RANBP2: variants seen among roughly 807,000 people sequenced by gnomAD.
RANBP2 encodes the protein E3 SUMO-protein ligase RanBP2.
A neutral mutation model predicts 303.6 loss-of-function variants in RANBP2; 57 were observed. That is an observed-to-expected ratio of 0.19 (90% confidence interval 0.15 to 0.23). The LOEUF is 0.23. RANBP2 is among the 10% of genes least tolerant of loss of function. The probability of loss-of-function intolerance (pLI) is 1.00; values close to 1 mark genes in which losing one functional copy is unlikely to be tolerated. For missense variants in RANBP2, 3,138 were observed against 3,780.8 expected, an observed-to-expected ratio of 0.83 and a Z score of 4.46; for synonymous variants, 1,167 against 1,301.5, an observed-to-expected ratio of 0.90 and a Z score of 2.23.
the RANBP2 span, among the ~76,000 whole-genome samples, chr2:109,320,123 T>C: frequency 6.6e-6 from 1 of 152,206 alleles, no homozygotes; most frequent in African/African-American, 2.4e-5. Context: ...CTAGTGCTCC[T>C]GTAAAGCCTG....
the RANBP2 span, among the ~76,000 whole-genome samples, chr2:108,942,262 T>A: frequency 6.6e-6 from 1 of 152,190 alleles, no homozygotes; most frequent in Non-Finnish European, 1.5e-5. Context: ...AGCGACTTGC[T>A]AAGGTCACAC....
At chr2:109,305,724 C>A in the RANBP2 span, among the ~76,000 whole-genome samples, 112 of 152,310 alleles carry the variant, frequency 7.4e-4, no homozygotes, top group Non-Finnish European at 1.3e-3. Flanking sequence ...GGCTACAATG[C>A]GGGAGGACGC....
chr2:109,478,162 C>T, the RANBP2 span, among the ~76,000 whole-genome samples: 1 of 152,288 alleles, frequency 6.6e-6, no homozygotes, highest in Non-Finnish European at 1.5e-5. Context: ...TTGGGGCAGG[C>T]GATTCTAGTG....
At chr2:109,109,836 T>G in the RANBP2 span, among the ~76,000 whole-genome samples, 1 of 152,188 alleles carries the variant, frequency 6.6e-6, no homozygotes, top group Non-Finnish European at 1.5e-5. Context: ...TCTCACACTT[T>G]TCTATGGCCC....
At chr2:109,120,525 G>T in the RANBP2 span, among the ~76,000 whole-genome samples, 1 of 152,118 alleles carries the variant, frequency 6.6e-6, no homozygotes, top group Admixed American at 6.5e-5. Context: ...AGACCAACCT[G>T]CACTTCTTCT....
chr2:109,681,461 G>T, the RANBP2 span, among the ~76,000 whole-genome samples: 1 of 152,220 alleles, frequency 6.6e-6, no homozygotes, highest in East Asian at 1.9e-4. Context: ...GATATCTTTG[G>T]TTGGAGGTGG....
chr2:108,892,800 G>T, the RANBP2 span, among the ~76,000 whole-genome samples: 1 of 152,166 alleles, frequency 6.6e-6, no homozygotes. Flanking sequence ...GGCTAGGCAG[G>T]CTGCTTGTCT....
chr2:108,862,201 A>C, the RANBP2 span, among the ~76,000 whole-genome samples: 1 of 152,056 alleles, frequency 6.6e-6, no homozygotes, highest in Non-Finnish European at 1.5e-5. Flanking sequence ...CACTTAAAAA[A>C]AAAACAAAAC....
chr2:109,008,890 T>TAA, the RANBP2 span, among the ~76,000 whole-genome samples: 2 of 131,488 alleles, frequency 1.5e-5, no homozygotes, highest in African/African-American at 5.7e-5. Context: ...CAGAGCAAGA[T>TAA]TCCATCTCAA....
the RANBP2 span, among the ~76,000 whole-genome samples, chr2:109,249,742 C>T: frequency 5.9e-5 from 9 of 151,718 alleles, no homozygotes; most frequent in East Asian, 1.9e-4. Flanking sequence ...CCGCAAGCTC[C>T]GCCTTCCAGG....
the RANBP2 span, chr2:109,399,064 G>A: frequency 3.5e-6 from 4 of 1,150,688 alleles, no homozygotes; most frequent in Admixed American, 2.4e-5. Flanking sequence ...TGCCTTTTGG[G>A]GTTGAGTGGG....
chr2:109,432,461 G>T, the RANBP2 span: 2 of 1,608,438 alleles, frequency 1.2e-6, no homozygotes, highest in Non-Finnish European at 1.7e-6. Context: ...CTATCCCCAG[G>T]AGGGCTCCCA....
At chr2:108,762,580 C>T (rs2699559) in intron 19 of RANBP2, among the ~76,000 whole-genome samples, 3 of 110,906 alleles carry the variant, frequency 2.7e-5, no homozygotes, top group East Asian at 2.4e-4. Flanking sequence ...GCTTTGAGGA[C>T]AGAGTGTTGG....
At chr2:109,312,114 A>G in the RANBP2 span, among the ~76,000 whole-genome samples, 3 of 152,184 alleles carry the variant, frequency 2.0e-5, no homozygotes, top group African/African-American at 7.2e-5. Flanking sequence ...TGTTAGTTCA[A>G]AAGTATGTCA....
the RANBP2 span, among the ~76,000 whole-genome samples, chr2:109,111,325 T>C: frequency 1.6e-4 from 25 of 152,198 alleles, no homozygotes; most frequent in Non-Finnish European, 8.8e-5. Context: ...AGCTTTATTA[T>C]GGGAATACTG....
intron 12 of RANBP2, among the ~76,000 whole-genome samples, chr2:108,752,216 G>A (rs918887445): frequency 1.3e-5 from 2 of 151,594 alleles, no homozygotes; most frequent in African/African-American, 4.9e-5. Flanking sequence ...AGCTGTTACT[G>A]TTATTCCTTA....
At chr2:109,044,012 C>A in the RANBP2 span, among the ~76,000 whole-genome samples, 1 of 151,984 alleles carries the variant, frequency 6.6e-6, no homozygotes, top group Non-Finnish European at 1.5e-5. Context: ...TGGGCAGGAT[C>A]CCCACACAAC....
At chr2:109,642,676 T>TAAC in the RANBP2 span, among the ~76,000 whole-genome samples, 1 of 149,260 alleles carries the variant, frequency 6.7e-6, no homozygotes, top group Non-Finnish European at 1.5e-5. Context: ...AAAAGAAAGG[T>TAAC]AACTAACAAT....
At chr2:109,444,970 G>A in the RANBP2 span, among the ~76,000 whole-genome samples, 2 of 152,116 alleles carry the variant, frequency 1.3e-5, no homozygotes, top group African/African-American at 4.8e-5. Context: ...AAAAATAGGT[G>A]GATGGCTATG....
Sources: gnomAD v4.1 joint callset for allele counts (sites outside exome capture counted in the v4.1 genomes callset) on GRCh38, gnomAD v4.1.1 for gene constraint, MANE v1.5 for transcripts, NCBI Gene and HGNC (gene_info 2026-07-23, HGNC 2026-07-21) for gene names.